Variants in KLHL32 observed in about 807,000 individuals in gnomAD.
KLHL32 encodes kelch like family member 32.
A neutral mutation model predicts 64.8 loss-of-function variants in KLHL32; 35 were observed. The ratio of observed to expected loss-of-function variants is 0.54; its 90% CI spans 0.41 to 0.72. The LOEUF (loss-of-function observed/expected upper bound fraction) is 0.72, where lower values mean the gene tolerates loss of function less well. Among genes scored for constraint, KLHL32 ranks in the 30% least tolerant of loss-of-function variants. The pLI is 0.00. For missense variants in KLHL32, 589 were observed against 768.5 expected, an observed-to-expected ratio of 0.77 and a Z score of 2.76; for synonymous variants, 259 against 281.0, an observed-to-expected ratio of 0.92 and a Z score of 0.78.
chr6:97,113,668 G>A, intron 6 of KLHL32, 115 bp from the exon 7 acceptor site: 1 of 1,328,470 alleles, frequency 7.5e-7, no homozygotes, highest in Admixed American at 2.2e-5. Flanking sequence ...CTGTTTGTAA[G>A]AAAGTTTGTA....
the KLHL32 span, among the ~76,000 whole-genome samples, chr6:96,904,965 C>T: frequency 1.3e-5 from 2 of 152,316 alleles, no homozygotes; most frequent in African/African-American, 2.4e-5. Context: ...TTCTTCACTC[C>T]AGCTTTCCCT....
intron 3 of KLHL32, among the ~76,000 whole-genome samples, chr6:97,015,089 C>A (rs1366048833): frequency 6.6e-6 from 1 of 152,126 alleles, no homozygotes; most frequent in African/African-American, 2.4e-5. Context: ...GAAGAAGGTC[C>A]TTGCTTGCCC....
chr6:97,094,604 C>T (rs1465634294), intron 6 of KLHL32, among the ~76,000 whole-genome samples: 1 of 152,110 alleles, frequency 6.6e-6, no homozygotes, highest in African/African-American at 2.4e-5. Flanking sequence ...CGTGCGGTGG[C>T]ATGTTGATGA....
At chr6:96,954,769 G>A (rs1725987560) in intron 1 of KLHL32, among the ~76,000 whole-genome samples, 1 of 152,186 alleles carries the variant, frequency 6.6e-6, no homozygotes, top group Admixed American at 6.5e-5. Context: ...ACTGGGATGA[G>A]ACGGACAGTA....
intron 4 of KLHL32, among the ~76,000 whole-genome samples, chr6:97,059,511 AG>A (rs1259326346): frequency 3.3e-5 from 5 of 152,262 alleles, no homozygotes; most frequent in African/African-American, 1.2e-4. Context: ...CACAACATTT[AG>A]AAACTGGAAT....
At chr6:97,009,573 T>G (rs1049381891) in intron 3 of KLHL32, among the ~76,000 whole-genome samples, 1 of 152,200 alleles carries the variant, frequency 6.6e-6, no homozygotes, top group Non-Finnish European at 1.5e-5. Context: ...TCCTTTGCTT[T>G]GTATATTGTG....
chr6:97,014,186 C>T (rs1376306653), intron 3 of KLHL32, among the ~76,000 whole-genome samples: 1 of 151,256 alleles, frequency 6.6e-6, no homozygotes, highest in African/African-American at 2.4e-5. Context: ...CGCAGCTACT[C>T]GGAGAGGCTG....
chr6:97,071,465 C>A (rs538455808), intron 5 of KLHL32, among the ~76,000 whole-genome samples: 1 of 152,260 alleles, frequency 6.6e-6, no homozygotes, highest in South Asian at 2.1e-4. Context: ...TGCATGGGCA[C>A]CCTTCCCTTC....
intron 10 of KLHL32, among the ~76,000 whole-genome samples, chr6:97,133,355 T>C (rs1442725114): frequency 6.6e-6 from 1 of 152,226 alleles, no homozygotes; most frequent in Non-Finnish European, 1.5e-5. Context: ...ATTCCTATTA[T>C]TATTTTACAG....
intron 7 of KLHL32, among the ~76,000 whole-genome samples, chr6:97,117,101 CAATT>C (rs930608785): frequency 2.6e-5 from 4 of 152,142 alleles, no homozygotes; most frequent in African/African-American, 9.7e-5. Context: ...TATAATAAAT[CAATT>C]GTGAATCTAA....
chr6:96,924,605 G>C (rs1768901079), upstream of KLHL32: 2 of 152,018 alleles, frequency 1.3e-5, no homozygotes, highest in African/African-American at 2.4e-5. Flanking sequence ...GAGGCGGGAG[G>C]GGGCGGAGCC....
intron 2 of KLHL32, among the ~76,000 whole-genome samples, chr6:96,969,417 T>C (rs1453003449): frequency 6.6e-6 from 1 of 152,230 alleles, no homozygotes; most frequent in Admixed American, 6.5e-5. Flanking sequence ...ATTTTCCTTC[T>C]TAAGCAGTTT....
chr6:96,943,741 C>T (rs142681380), intron 1 of KLHL32, among the ~76,000 whole-genome samples: 3 of 152,350 alleles, frequency 2.0e-5, no homozygotes, highest in South Asian at 2.1e-4. Flanking sequence ...TTAAACACTT[C>T]GAGCTTCCTG....
chr6:96,921,722 A>C (rs1238004171), upstream of KLHL32, among the ~76,000 whole-genome samples: 2 of 152,202 alleles, frequency 1.3e-5, no homozygotes, highest in Non-Finnish European at 2.9e-5. Context: ...GCTCTCTTTC[A>C]TGATGTAGTT....
chr6:97,084,215 A>G (rs1283285721), intron 5 of KLHL32, among the ~76,000 whole-genome samples: 3 of 152,224 alleles, frequency 2.0e-5, no homozygotes, highest in African/African-American at 2.4e-5. Flanking sequence ...TCATAATTAT[A>G]TTAATAATTG....
intron 1 of KLHL32, among the ~76,000 whole-genome samples, chr6:96,937,218 A>G (rs1440843976): frequency 1.3e-5 from 2 of 152,014 alleles, no homozygotes; most frequent in African/African-American, 4.8e-5. Flanking sequence ...CCTCATGCCC[A>G]TTTGCAGTTA....
chr6:96,919,435 C>T, the KLHL32 span, among the ~76,000 whole-genome samples: 19 of 152,142 alleles, frequency 1.2e-4, no homozygotes, highest in African/African-American at 4.1e-4. Flanking sequence ...GCTGACCAAA[C>T]GTTGAAATGT....
In KLHL32 at chr6:97,085,350, G is replaced by T; in HGVS notation, c.627+9G>T. The T allele has an allele frequency of 6.2e-7, 1 of 1,610,918 alleles. No homozygotes were observed. ...AAGAGCAGATCTGGCAGGTAAGGGC[G>T]CTGTGCACGGTCGCTTTTGGCACTG... On this transcript the variant is annotated intron_variant, in intron 6 of 10. Transcript: ENST00000369261.
At chr6:97,004,775 A>G (rs1467796127) in intron 3 of KLHL32, among the ~76,000 whole-genome samples, 3 of 152,106 alleles carry the variant, frequency 2.0e-5, no homozygotes, top group East Asian at 3.9e-4. Context: ...ATGAGTCACA[A>G]TAATTGATTT....
Sources: allele counts gnomAD v4.1 joint callset (sites outside exome capture counted in the v4.1 genomes callset), GRCh38; gene constraint gnomAD v4.1.1; transcripts MANE v1.5; gene names NCBI Gene and HGNC (gene_info 2026-07-23, HGNC 2026-07-21).